The following DMD variants were observed in gnomAD, a reference collection of about 807,000 sequenced individuals.
DMD encodes the protein dystrophin.
Under a neutral mutation model 330.1 loss-of-function variants are expected in DMD, and 63 were observed. That is an observed-to-expected ratio of 0.19 (90% CI 0.16 to 0.24). The LOEUF is 0.24. DMD is among the 10% of genes least tolerant of loss of function. DMD has a pLI of 1.00. For missense variants in DMD, 3,344 were observed against 2,684.1 expected (o/e 1.25, Z -5.43); for synonymous variants, 1,223 against 959.8 (o/e 1.27, Z -5.07).
chrX:32,345,107 C>T (rs2097759510), intron 39 of DMD, among the ~76,000 whole-genome samples: 1 of 110,889 alleles, frequency 9.0e-6, no homozygotes, highest in Admixed American at 9.7e-5. Context: ...CTAGGTGGAT[C>T]CACCTTCATA....
intron 34 of DMD, among the ~76,000 whole-genome samples, chrX:32,373,061 A>G (rs2097885899): frequency 9.1e-6 from 1 of 110,116 alleles, no homozygotes; most frequent in Non-Finnish European, 1.9e-5. Context: ...AAGAATTAGA[A>G]TACCTAAGAC....
At chrX:32,834,594 G>A (rs1402659894) in intron 4 of DMD, among the ~76,000 whole-genome samples, 1 of 111,387 alleles carries the variant, frequency 9.0e-6, no homozygotes, top group East Asian at 2.8e-4. Context: ...GCTGTCATCT[G>A]AATTTCCACC....
intron 1 of DMD, among the ~76,000 whole-genome samples, chrX:33,263,489 A>G (rs977912747): frequency 1.6e-4 from 17 of 108,119 alleles, no homozygotes; most frequent in African/African-American, 5.7e-4. Flanking sequence ...TCTGTGTTAT[A>G]TGGATTTTGA....
chrX:31,760,553 C>G lies in DMD; in HGVS notation c.7542+13407G>C, dbSNP rs182600161. The stretch of plus-strand genomic sequence containing the variant: ...AGTCACATGCTGTACTGGTTTATAG[C>G]CTAGGAGCAATAGGCTATACCATAC... On this transcript the variant is annotated intron_variant, in intron 51 of 78. Coordinates refer to ENST00000357033, the MANE Select transcript of DMD (RefSeq NM_004006.3). 2.4e-3 allele frequency among the ~76,000 whole-genome samples: 268 copies of G among 111,831 alleles called. 2 individuals are homozygous for G. The highest frequency in any genetic ancestry group is 7.5e-3 in the African/African-American group (230 of 30,798).
At position 32,627,147 on chromosome X, in the gene DMD, C is replaced by T. The variant is rs749872926; in HGVS notation, c.1332-12694G>A. 1.2e-3 allele frequency among the ~76,000 whole-genome samples: 51 copies of T among 44,287 alleles called. 1 individual carries two copies. The highest frequency in any genetic ancestry group is 1.3e-3 in the Non-Finnish European group (39 of 28,977). 38.5% of individuals were successfully genotyped at this position (44,287 alleles called of 115,157 possible). A position where few individuals can be genotyped will look rare whatever the true frequency, so the allele number is the denominator to read the frequency against. ...GTTGAGAACGATTGTGCCTCTTCCC[C>T]GCCCCCCCCCCCGCCCCAGGACACA... On this transcript the variant is annotated intron_variant, in intron 11 of 78. Transcript: ENST00000357033.
At chrX:32,630,130 A>G (rs186901652) in intron 11 of DMD, among the ~76,000 whole-genome samples, 4 of 111,996 alleles carry the variant, frequency 3.6e-5, no homozygotes, top group African/African-American at 1.3e-4. Flanking sequence ...GGTGTTAATG[A>G]AATCTGTCAG....
At position 32,683,219 on chromosome X, in the gene DMD, T is replaced by C. The variant is rs764987176; in HGVS notation, c.960+14651A>G. 3.8e-4 allele frequency among the ~76,000 whole-genome samples: 42 copies of C among 111,132 alleles called. No homozygotes were observed. The South Asian group carries it at 7.3e-3, about 19-fold the overall frequency. ...ATACTAATTACTCAATAATTTTCTA[T>C]TGAAAGAAGGAGTGGCGATTCCTCA... On this transcript the variant is annotated intron_variant, in intron 9 of 78. Coordinates refer to ENST00000357033, the MANE Select transcript of DMD (RefSeq NM_004006.3).
chrX:33,257,141 G>A (rs1456344079), intron 1 of DMD, among the ~76,000 whole-genome samples: 2 of 110,750 alleles, frequency 1.8e-5, no homozygotes, highest in Non-Finnish European at 3.8e-5. Flanking sequence ...CTCACTGTAG[G>A]AAAGAAGGTG....
At chrX:32,452,856 T>C (rs903198931) in intron 26 of DMD, among the ~76,000 whole-genome samples, 2 of 111,377 alleles carry the variant, frequency 1.8e-5, no homozygotes, top group East Asian at 2.8e-4. Context: ...CTAAGACTTA[T>C]CTGAGGTAAT....
At chrX:33,146,264 C>T (rs902259440) in intron 1 of DMD, among the ~76,000 whole-genome samples, 2 of 110,747 alleles carry the variant, frequency 1.8e-5, no homozygotes, top group African/African-American at 6.6e-5. Flanking sequence ...CATTAGGAAT[C>T]ACTCTCCTTT....
intron 9 of DMD, among the ~76,000 whole-genome samples, chrX:32,646,150 A>G (rs1446992044): frequency 8.9e-6 from 1 of 111,886 alleles, no homozygotes; most frequent in Admixed American, 9.5e-5. Flanking sequence ...AAACCTGGCC[A>G]TATGTTTGCA....
intron 2 of DMD, among the ~76,000 whole-genome samples, chrX:32,984,900 T>C (rs1463066899): frequency 9.0e-6 from 1 of 111,557 alleles, no homozygotes; most frequent in Non-Finnish European, 1.9e-5. Flanking sequence ...CCCTTCCATT[T>C]ACTAGCTTTT....
chrX:31,483,197 C>T (rs1569546494), intron 57 of DMD, among the ~76,000 whole-genome samples: 2 of 108,439 alleles, frequency 1.8e-5, no homozygotes, highest in Non-Finnish European at 3.8e-5. Context: ...CAGGCGCCCG[C>T]CACCACGCCC....
In DMD at chrX:32,209,301, A is replaced by G. The variant is rs370847794; in HGVS notation, c.6438+7615T>C. On this transcript the variant is annotated intron_variant, in intron 44 of 78. Transcript: ENST00000357033. ...AGTTACAAAAGGCATATCTGTGAAT[A>G]TAAAATTAGAGCACAAATATATATA... Among the ~76,000 whole-genome samples, 15 of 111,328 alleles carry G rather than the reference A, an allele frequency of 1.3e-4. No homozygotes were observed. In the East Asian group the frequency reaches 2.8e-3, roughly 21 times the overall value.
intron 49 of DMD, among the ~76,000 whole-genome samples, chrX:31,821,831 A>G (rs1375179554): frequency 1.8e-5 from 2 of 112,055 alleles, no homozygotes; most frequent in African/African-American, 3.2e-5. Flanking sequence ...AAATAAATAC[A>G]TTAGCAGAAA....
rs373434935 is a variant in DMD, at chrX:32,584,720, C to T, written c.1603-10874G>A. Among the ~76,000 whole-genome samples the T allele has an allele frequency of 1.1e-3, 128 of 111,913 alleles. 1 individual carries two copies. Among genetic ancestry groups the T allele is most frequent in the African/African-American group, 4.0e-3 (125 of 30,867 alleles). ...CAAGTTAAAAATATAGCAAGACTAA[C>T]CTGCAGCATTATAACTCAAGATACA... On this transcript the variant is annotated intron_variant, in intron 13 of 78. Coordinates refer to ENST00000357033, the MANE Select transcript of DMD (RefSeq NM_004006.3).
chrX:31,528,315 T>C lies in DMD; in HGVS notation c.8218-20862A>G, dbSNP rs771991238. 4.4e-5 allele frequency among the ~76,000 whole-genome samples: 5 copies of C among 112,456 alleles called. No individual in the cohort carries two copies. The East Asian group carries it at 1.4e-3, about 31-fold the overall frequency. ...TAGATGTCAAATTTCCACTGACAAG[T>C]AATTTGATGCCTAGGGAAAATATTC... On this transcript the variant is annotated intron_variant, in intron 55 of 78. Coordinates refer to ENST00000357033, the MANE Select transcript of DMD (RefSeq NM_004006.3).
chrX:32,133,982 T>C (rs962050909), intron 44 of DMD, among the ~76,000 whole-genome samples: 1 of 111,543 alleles, frequency 9.0e-6, no homozygotes, highest in Non-Finnish European at 1.9e-5. Context: ...CAAAATGAGT[T>C]TACTGCTGAT....
chrX:32,259,889 T>A (rs1434190384), intron 43 of DMD, among the ~76,000 whole-genome samples: 1 of 111,098 alleles, frequency 9.0e-6, no homozygotes, highest in Non-Finnish European at 1.9e-5. Context: ...ATGTTCCAGA[T>A]GTTCAGAGGA....
Sources: gnomAD v4.1 joint callset for allele counts (sites outside exome capture counted in the v4.1 genomes callset) on GRCh38, gnomAD v4.1.1 for gene constraint, MANE v1.5 for transcripts, NCBI Gene and HGNC (gene_info 2026-07-23, HGNC 2026-07-21) for gene names.